The following GLB1 variants were observed in gnomAD, a reference collection of about 807,000 sequenced individuals.
The protein encoded by GLB1 is beta-galactosidase.
In GLB1, 56 loss-of-function variants were observed where a neutral mutation model predicts 74.0. That is an observed-to-expected ratio of 0.76 (90% CI 0.61 to 0.94). GLB1 has a LOEUF of 0.94. GLB1 is among the 40% of genes least tolerant of loss of function. The pLI, the probability that GLB1 is intolerant of heterozygous loss-of-function variation, is 0.00. For missense variants in GLB1, 787 were observed against 845.5 expected, an observed-to-expected ratio of 0.93 and a Z score of 0.86; for synonymous variants, 323 against 323.6, an observed-to-expected ratio of 1.00 and a Z score of 0.02.
the GLB1 span, among the ~76,000 whole-genome samples, chr3:32,969,547 C>T: frequency 6.6e-6 from 1 of 152,150 alleles, no homozygotes; most frequent in Non-Finnish European, 1.5e-5. Flanking sequence ...ATGACAACTC[C>T]ACCTTCTAAA....
At chr3:33,065,395 A>G (rs1699628343) in intron 5 of GLB1, 68 bp downstream of exon 5, 2 of 1,534,548 alleles carry the variant, frequency 1.3e-6, no homozygotes, top group South Asian at 1.2e-5. Flanking sequence ...CATCACTTCT[A>G]TCATTTATGT....
Position 33,074,343 on chromosome 3 carries a change from AGG to A in GLB1, c.76-1632_76-1631del, listed in dbSNP as rs1179866841. Among the ~76,000 whole-genome samples the A allele has an allele frequency of 8.3e-4, 49 of 58,732 alleles. 10 individuals carry two copies. The highest frequency in any genetic ancestry group is 1.2e-3 in the Non-Finnish European group (31 of 26,410). 38.5% of individuals were successfully genotyped at this position (58,732 alleles called of 152,430 possible). On this transcript the variant is annotated intron_variant, in intron 1 of 15. Coordinates refer to ENST00000307363, the MANE Select transcript of GLB1 (RefSeq NM_000404.4). ...CGAGAAAGAAGGAAGGAAGGAAGGA[AGG>A]AAGGAAGGAAGGAAGGAAGGAAGGA...
chr3:33,033,521 G>A (rs1012548913), intron 10 of GLB1, among the ~76,000 whole-genome samples: 6 of 152,142 alleles, frequency 3.9e-5, no homozygotes, highest in Non-Finnish European at 7.4e-5. Flanking sequence ...GGTGGCTCAC[G>A]CCTGTAATCC....
intron 10 of GLB1, among the ~76,000 whole-genome samples, chr3:33,037,147 G>A (rs1698314620): frequency 6.6e-6 from 1 of 151,514 alleles, no homozygotes; most frequent in Non-Finnish European, 1.5e-5. Flanking sequence ...CCATATTCAA[G>A]CGATTCTCCT....
chr3:32,970,967 G>T, the GLB1 span, among the ~76,000 whole-genome samples: 382 of 152,240 alleles, frequency 2.5e-3, 1 homozygote, highest in African/African-American at 8.8e-3. Flanking sequence ...TTTGATGCCT[G>T]CCATGCCATG....
At chr3:33,058,301 G>A (rs1207051384) in intron 5 of GLB1, 32 bp from the exon 6 acceptor site, 1 of 1,613,528 alleles carries the variant, frequency 6.2e-7, no homozygotes, top group South Asian at 1.1e-5. Flanking sequence ...GGAAAAATGA[G>A]GAGATCCTAA....
chr3:32,985,532 T>G, the GLB1 span, among the ~76,000 whole-genome samples: 2 of 152,130 alleles, frequency 1.3e-5, no homozygotes, highest in African/African-American at 4.8e-5. Context: ...CCTCAAGTGA[T>G]CTGCCCGCTT....
chr3:33,012,065 G>A (rs1169391075), intron 15 of GLB1, among the ~76,000 whole-genome samples: 10 of 152,126 alleles, frequency 6.6e-5, no homozygotes, highest in Admixed American at 6.6e-4. Context: ...TCTTCATCAT[G>A]TTTTTGTCCC....
At chr3:33,014,587 A>T (rs1697165180) in intron 14 of GLB1, among the ~76,000 whole-genome samples, 1 of 152,210 alleles carries the variant, frequency 6.6e-6, no homozygotes, top group South Asian at 2.1e-4. Flanking sequence ...CAGAAAGGGC[A>T]TTGAGTTGCT....
At chr3:33,012,424 CATAAA>C (rs1355856660) in intron 15 of GLB1, among the ~76,000 whole-genome samples, 4 of 152,100 alleles carry the variant, frequency 2.6e-5, no homozygotes, top group Non-Finnish European at 5.9e-5. Flanking sequence ...TTAGTGTCCT[CATAAA>C]AGAGACCCAA....
the GLB1 span, among the ~76,000 whole-genome samples, chr3:32,983,256 A>C: frequency 6.6e-6 from 1 of 151,988 alleles, no homozygotes. Flanking sequence ...ATTTCACTTT[A>C]TCCTCTGGGT....
Position 33,097,029 on chromosome 3 carries a change from G to A in GLB1, c.57C>T (p.Gly19=), listed in dbSNP as rs1418441110. Residue 19 remains glycine, a synonymous_variant, in exon 1 of 16, where the codon GGC becomes GGT. Transcript: ENST00000307363. ...GACTTACGCGCAAGCCGCGCGTAGG[G>A]CCCAGAAGCAGCAGAACCAGCAACA... The part of the protein sequence containing the change: ...LPLLLVLLLL[G]PTRGLRNATQ... The A allele has an allele frequency of 6.2e-7, 1 of 1,612,392 alleles. No individual in the cohort carries two copies. The highest frequency in any genetic ancestry group is 2.2e-5 in the East Asian group (1 of 44,762).
At chr3:33,088,388 C>CACAT (rs1191506255) in intron 1 of GLB1, among the ~76,000 whole-genome samples, 1 of 151,522 alleles carries the variant, frequency 6.6e-6, no homozygotes, top group African/African-American at 2.4e-5. Context: ...CACACACACA[C>CACAT]ACACACACAC....
At chr3:33,056,183 G>T (rs111467094) in intron 6 of GLB1, among the ~76,000 whole-genome samples, 11,581 of 142,236 alleles carry the variant, frequency 0.081, 1,074 homozygotes, top group East Asian at 0.47. Context: ...GCCAGGATCG[G>T]GTCGTTGCAC....
chr3:33,064,373 G>C (rs1480202647), intron 5 of GLB1, among the ~76,000 whole-genome samples: 1 of 149,568 alleles, frequency 6.7e-6, no homozygotes. Flanking sequence ...CTGGGAGGCA[G>C]AGGTTGCAGT....
intron 4 of GLB1, among the ~76,000 whole-genome samples, chr3:33,066,554 T>C: frequency 6.6e-6 from 1 of 152,148 alleles, no homozygotes; most frequent in East Asian, 1.9e-4. Context: ...CTTTATAAAT[T>C]ACTCAGTTTC....
At chr3:33,066,352 G>A (rs1699681680) in intron 4 of GLB1, among the ~76,000 whole-genome samples, 1 of 152,144 alleles carries the variant, frequency 6.6e-6, no homozygotes, top group Admixed American at 6.5e-5. Context: ...GGGTCATCAT[G>A]GGAATGGGAC....
rs4411834 is a variant in GLB1, at chr3:32,998,413, C to T, written c.1735-1069G>A. 0.022 allele frequency among the ~76,000 whole-genome samples: 3,313 copies of T among 151,396 alleles called. 511 individuals are homozygous for T. The East Asian group carries it at 0.42, about 19-fold the overall frequency. On this transcript the variant is annotated intron_variant, in intron 15 of 15. Transcript: ENST00000307363. Reference sequence around the variant, plus strand: ...ATCCCAGTTACTCAGGAGGCTGAGGCAAGAGAATCACTTGAACCCAGGGAG... The same window carrying T: ...ATCCCAGTTACTCAGGAGGCTGAGGTAAGAGAATCACTTGAACCCAGGGAG...
chr3:33,016,900 G>A, intron 13 of GLB1, 60 bp from the exon 14 acceptor site: 2 of 1,602,274 alleles, frequency 1.2e-6, no homozygotes, highest in Non-Finnish European at 8.5e-7. Flanking sequence ...GCAAGGAGAG[G>A]CAGCATGCTC....
Sources: gnomAD v4.1 joint callset for allele counts (sites outside exome capture counted in the v4.1 genomes callset) on GRCh38, gnomAD v4.1.1 for gene constraint, MANE v1.5 for transcripts, NCBI Gene and HGNC (gene_info 2026-07-23, HGNC 2026-07-21) for gene names.